CNTNAP2: variants seen among roughly 807,000 people sequenced by gnomAD.
The protein encoded by CNTNAP2 is contactin-associated protein-like 2.
Under a neutral mutation model 155.2 loss-of-function variants are expected in CNTNAP2, and 98 were observed. The ratio of observed to expected loss-of-function variants is 0.63; its 90% CI spans 0.54 to 0.75. CNTNAP2 has a LOEUF of 0.75. Ranked by LOEUF, CNTNAP2 falls within the 30% of genes least tolerant of loss-of-function variation. The pLI is 0.00. For missense variants in CNTNAP2, 1,727 were observed against 1,688.1 expected, an observed-to-expected ratio of 1.02 and a Z score of -0.40; for synonymous variants, 651 against 631.2, an observed-to-expected ratio of 1.03 and a Z score of -0.47.
chr7:147,275,692 A>G (rs1804880580), intron 8 of CNTNAP2, among the ~76,000 whole-genome samples: 1 of 152,064 alleles, frequency 6.6e-6, no homozygotes, highest in African/African-American at 2.4e-5. Context: ...AAGGACTTCT[A>G]GTACTATCTT....
chr7:147,980,347 T>C (rs7779536), intron 15 of CNTNAP2, among the ~76,000 whole-genome samples: 8,787 of 152,298 alleles, frequency 0.058, 352 homozygotes, highest in South Asian at 0.13. Context: ...CTTAGAAACA[T>C]TTTTAGAACC....
intron 11 of CNTNAP2, among the ~76,000 whole-genome samples, chr7:147,554,161 AG>A (rs1440728914): frequency 6.6e-6 from 1 of 152,148 alleles, no homozygotes; most frequent in Non-Finnish European, 1.5e-5. Flanking sequence ...TCTCCTTCTT[AG>A]AGTTTTCTAT....
At chr7:147,655,059 C>T (rs188617122) in intron 13 of CNTNAP2, among the ~76,000 whole-genome samples, 1 of 151,878 alleles carries the variant, frequency 6.6e-6, no homozygotes, top group Admixed American at 6.6e-5. Flanking sequence ...GTGATCCACC[C>T]GCCTGGGCCT....
chr7:147,982,251 C>A (rs574696790), intron 15 of CNTNAP2, among the ~76,000 whole-genome samples: 1 of 152,000 alleles, frequency 6.6e-6, no homozygotes. Context: ...TCTAGGGATA[C>A]GGGGACTGTA....
At chr7:146,352,748 C>CTCTTTTTTTTT (rs1201897985) in intron 1 of CNTNAP2, among the ~76,000 whole-genome samples, 1 of 66,218 alleles carries the variant, frequency 1.5e-5, no homozygotes, top group Non-Finnish European at 2.6e-5. Flanking sequence ...TAGCATAATT[C>CTCTTTTTTTTT]TGTTTTTTTT....
chr7:147,365,072 A>C lies in CNTNAP2; in HGVS notation c.1499-30537A>C, dbSNP rs546150158. Among the ~76,000 whole-genome samples, 5 of 152,170 alleles carry C rather than the reference A, an allele frequency of 3.3e-5. No homozygotes were observed. The South Asian group carries it at 1.0e-3, about 32-fold the overall frequency. ...TTTGGGATATTTTTTGTCATTCTTT[A>C]ATTTCTATTCTTTACTTAGTTTTTC... On this transcript the variant is annotated intron_variant, in intron 9 of 23. Transcript: ENST00000361727.
At chr7:147,798,128 T>A (rs1226040834) in intron 13 of CNTNAP2, among the ~76,000 whole-genome samples, 2 of 152,194 alleles carry the variant, frequency 1.3e-5, no homozygotes, top group Non-Finnish European at 2.9e-5. Context: ...TTCTGCCAAA[T>A]ACATTGTTGT....
intron 21 of CNTNAP2, among the ~76,000 whole-genome samples, chr7:148,275,879 TC>T (rs1796862710): frequency 1.3e-5 from 2 of 152,188 alleles, no homozygotes; most frequent in African/African-American, 4.8e-5. Context: ...CTTGGTGGCA[TC>T]GTAGCCAGGT....
chr7:146,705,840 T>C (rs1417388043), intron 1 of CNTNAP2, among the ~76,000 whole-genome samples: 4 of 152,088 alleles, frequency 2.6e-5, no homozygotes, highest in Non-Finnish European at 5.9e-5. Context: ...TAGGGATTAT[T>C]ACAATTCAAG....
intron 17 of CNTNAP2, among the ~76,000 whole-genome samples, chr7:148,160,517 T>C (rs1008548558): frequency 2.0e-5 from 3 of 152,358 alleles, no homozygotes; most frequent in Middle Eastern, 6.8e-3. Flanking sequence ...TACAGGTGTT[T>C]GTATCCTTTT....
At chr7:147,554,186 C>T (rs776116056) in intron 11 of CNTNAP2, among the ~76,000 whole-genome samples, 21 of 151,976 alleles carry the variant, frequency 1.4e-4, no homozygotes, top group South Asian at 2.1e-4. Flanking sequence ...CTAATAGTAA[C>T]CCTGAATAAA....
intron 1 of CNTNAP2, among the ~76,000 whole-genome samples, chr7:146,227,102 T>C (rs1460589616): frequency 6.6e-6 from 1 of 151,990 alleles, no homozygotes; most frequent in Non-Finnish European, 1.5e-5. Flanking sequence ...GGTTAAGAGA[T>C]ATTAAGAGAG....
chr7:146,426,517 G>A (rs1429002914), intron 1 of CNTNAP2, among the ~76,000 whole-genome samples: 2 of 149,450 alleles, frequency 1.3e-5, no homozygotes, highest in Non-Finnish European at 3.0e-5. Context: ...GTACACGTGT[G>A]TATATTATAA....
chr7:148,218,749 G>C (rs1366576077), intron 19 of CNTNAP2, among the ~76,000 whole-genome samples: 1 of 151,912 alleles, frequency 6.6e-6, no homozygotes, highest in Non-Finnish European at 1.5e-5. Context: ...CACACATTAA[G>C]CCAGAGAGGA....
At chr7:147,872,151 A>G (rs528427504) in intron 13 of CNTNAP2, among the ~76,000 whole-genome samples, 1 of 152,318 alleles carries the variant, frequency 6.6e-6, no homozygotes, top group South Asian at 2.1e-4. Context: ...ATTTACTGAA[A>G]TAACATATAA....
chr7:147,003,901 G>T (rs1010760393), intron 3 of CNTNAP2, among the ~76,000 whole-genome samples: 7 of 151,928 alleles, frequency 4.6e-5, no homozygotes, highest in Admixed American at 2.0e-4. Context: ...GCATGATGGT[G>T]CATATCTGTA....
intron 1 of CNTNAP2, among the ~76,000 whole-genome samples, chr7:146,570,256 G>T (rs1413439448): frequency 2.0e-5 from 3 of 151,442 alleles, no homozygotes; most frequent in East Asian, 1.9e-4. Flanking sequence ...GGAGTAATTT[G>T]CTCACCAGCA....
intron 1 of CNTNAP2, among the ~76,000 whole-genome samples, chr7:146,261,890 A>T (rs532803341): frequency 2.0e-5 from 3 of 152,322 alleles, no homozygotes; most frequent in South Asian, 2.1e-4. Context: ...GAAACCAATG[A>T]TTCTATGGAT....
intron 20 of CNTNAP2, among the ~76,000 whole-genome samples, chr7:148,256,625 T>G (rs1447994169): frequency 6.6e-6 from 1 of 152,054 alleles, no homozygotes; most frequent in Non-Finnish European, 1.5e-5. Context: ...TTTTCTCTTT[T>G]TGCCTTCTCA....
Sources: allele counts gnomAD v4.1 joint callset (sites outside exome capture counted in the v4.1 genomes callset), GRCh38; gene constraint gnomAD v4.1.1; transcripts MANE v1.5; gene names NCBI Gene and HGNC (gene_info 2026-07-23, HGNC 2026-07-21).